XKR4: variants seen among roughly 807,000 people sequenced by gnomAD.
XKR4 encodes the protein XK-related protein 4.
XKR4 carries 12 observed loss-of-function variants against 53.9 expected under a neutral mutation model. The ratio of observed to expected loss-of-function variants is 0.22; its 90% confidence interval spans 0.14 to 0.36. The LOEUF is 0.36. Among genes scored for constraint, XKR4 ranks in the 10% least tolerant of loss-of-function variants. The pLI, the probability that XKR4 is intolerant of heterozygous loss-of-function variation, is 1.00. For missense variants in XKR4, 799 were observed against 859.5 expected, an observed-to-expected ratio of 0.93 and a Z score of 0.88; for synonymous variants, 354 against 362.4, an observed-to-expected ratio of 0.98 and a Z score of 0.26.
chr8:55,411,227 C>A (rs1246675249), intron 2 of XKR4, among the ~76,000 whole-genome samples: 1 of 152,186 alleles, frequency 6.6e-6, no homozygotes, highest in East Asian at 1.9e-4. Flanking sequence ...CCTGCCTGGA[C>A]TCTTGGGCAA....
chr8:55,256,477 G>T (rs1393330608), intron 1 of XKR4, among the ~76,000 whole-genome samples: 1 of 152,214 alleles, frequency 6.6e-6, no homozygotes, highest in African/African-American at 2.4e-5. Context: ...GGGATGGAAA[G>T]GAGATAGTAA....
chr8:55,262,246 A>G (rs554637416), intron 1 of XKR4, among the ~76,000 whole-genome samples: 13 of 152,360 alleles, frequency 8.5e-5, no homozygotes, highest in Non-Finnish European at 1.8e-4. Context: ...TTATTTATAT[A>G]AATTGCCAGA....
intron 2 of XKR4, chr8:55,449,585 T>C: frequency 7.6e-7 from 1 of 1,311,088 alleles, no homozygotes; most frequent in Non-Finnish European, 1.1e-6. Flanking sequence ...ACAAAAGTCG[T>C]AAACGCGAGG....
intron 1 of XKR4, among the ~76,000 whole-genome samples, chr8:55,198,307 C>T (rs1006847359): frequency 3.9e-5 from 6 of 152,210 alleles, no homozygotes; most frequent in South Asian, 2.1e-4. Flanking sequence ...TGTAGTGTGA[C>T]GCCAAATCTA....
At chr8:55,323,652 A>G (rs759097286) in intron 1 of XKR4, among the ~76,000 whole-genome samples, 1 of 152,200 alleles carries the variant, frequency 6.6e-6, no homozygotes, top group African/African-American at 2.4e-5. Context: ...ACCTCTGTAA[A>G]TGTGTATGTG....
intron 2 of XKR4, among the ~76,000 whole-genome samples, chr8:55,484,588 AT>A (rs1806165822): frequency 6.6e-6 from 1 of 152,194 alleles, no homozygotes; most frequent in Non-Finnish European, 1.5e-5. Context: ...ATGATGTTTA[AT>A]TTTATGTGTC....
intron 2 of XKR4, among the ~76,000 whole-genome samples, chr8:55,384,234 A>T (rs1425861427): frequency 1.3e-5 from 2 of 152,196 alleles, no homozygotes; most frequent in African/African-American, 2.4e-5. Context: ...AGTTTGGAAG[A>T]ATGTGTTGGA....
At chr8:55,228,641 G>A (rs1469372469) in intron 1 of XKR4, among the ~76,000 whole-genome samples, 1 of 152,096 alleles carries the variant, frequency 6.6e-6, no homozygotes, top group African/African-American at 2.4e-5. Flanking sequence ...CTTAAAACAT[G>A]TAGCAATTTA....
rs1205417571 is a variant in XKR4, at chr8:55,348,740, TAA to T, written c.807-8935_807-8934del. Among the ~76,000 whole-genome samples the T allele has an allele frequency of 1.3e-4, 19 of 143,432 alleles. No individual in the cohort carries two copies. In the South Asian group the frequency reaches 3.6e-3, roughly 27 times the overall value. 94.1% of individuals were successfully genotyped at this position (143,432 alleles called of 152,430 possible). The stretch of plus-strand genomic sequence containing the variant: ...CACACACAGAGAGAGAGATGATAGA[TAA>T]AAGAGACAGAAAGATACAGAAATAG... On this transcript the variant is annotated intron_variant, in intron 1 of 2. Coordinates refer to ENST00000327381, the MANE Select transcript of XKR4 (RefSeq NM_052898.2).
chr8:55,102,277 C>T lies in XKR4; in HGVS notation c.-212C>T. On this transcript the variant is annotated 5_prime_UTR_variant, in exon 1 of 3. Transcript: ENST00000327381. This position sits in a 1 kb window ranked among gnomAD's most constrained non-coding sequence, Gnocchi z 5.1. ...CGCAGGCAGCCAGGCGGCGCTCCTG[C>T]CGGCCCCAGGCGCGCCGCTAGCCCG... 1.8e-6 allele frequency: 1 copy of T among 541,238 alleles called. No individual in the cohort carries two copies. Among genetic ancestry groups the T allele is most frequent in the Non-Finnish European group, 2.3e-6 (1 of 427,074 alleles). 33.5% of individuals were successfully genotyped at this position (541,238 alleles called of 1,614,324 possible).
At chr8:55,439,083 A>T (rs1476653327) in intron 2 of XKR4, among the ~76,000 whole-genome samples, 1 of 152,220 alleles carries the variant, frequency 6.6e-6, no homozygotes, top group Non-Finnish European at 1.5e-5. Flanking sequence ...GAAGTAAATA[A>T]GATTAAAATG....
intron 1 of XKR4, among the ~76,000 whole-genome samples, chr8:55,230,200 TG>T (rs1818012434): frequency 2.0e-5 from 3 of 152,176 alleles, no homozygotes; most frequent in South Asian, 4.1e-4. Context: ...CTTAAGGCAG[TG>T]GTTTCCCAGA....
At chr8:55,141,331 C>T (rs1051564741) in intron 1 of XKR4, among the ~76,000 whole-genome samples, 1 of 152,144 alleles carries the variant, frequency 6.6e-6, no homozygotes, top group African/African-American at 2.4e-5. Flanking sequence ...TCCCCTGTGT[C>T]CTGTCCCTCC....
intron 2 of XKR4, among the ~76,000 whole-genome samples, chr8:55,389,658 C>T (rs1804416887): frequency 6.6e-6 from 1 of 152,192 alleles, no homozygotes; most frequent in African/African-American, 2.4e-5. Context: ...GTAGCCTCTA[C>T]TCCAGAGTCT....
chr8:55,452,757 C>T, intron 2 of XKR4: 2 of 849,320 alleles, frequency 2.4e-6, no homozygotes, highest in Non-Finnish European at 4.1e-6. Context: ...AAAGCCGCTC[C>T]CCGTGTCATA....
chr8:55,357,599 C>A (rs1803838663), intron 1 of XKR4, 79 bp from the exon 2 acceptor site: 1 of 1,493,174 alleles, frequency 6.7e-7, no homozygotes, highest in Non-Finnish European at 9.2e-7. Context: ...TGGTGGCTTG[C>A]AGAAAAGAAC....
At chr8:55,178,488 A>G (rs905470849) in intron 1 of XKR4, among the ~76,000 whole-genome samples, 1 of 152,210 alleles carries the variant, frequency 6.6e-6, no homozygotes, top group African/African-American at 2.4e-5. Context: ...AGTGTTTTCT[A>G]TAATAACTAT....
chr8:55,477,065 C>G (rs1806001101), intron 2 of XKR4, among the ~76,000 whole-genome samples: 1 of 151,656 alleles, frequency 6.6e-6, no homozygotes, highest in Admixed American at 6.6e-5. Context: ...CAGCACGCAG[C>G]TTGAGATCTG....
At chr8:55,421,889 C>A (rs555996473) in intron 2 of XKR4, among the ~76,000 whole-genome samples, 2 of 152,198 alleles carry the variant, frequency 1.3e-5, no homozygotes, top group African/African-American at 4.8e-5. Context: ...CAGAACAAAA[C>A]GTCCTTGGTT....
Sources: gnomAD v4.1 joint callset for allele counts (sites outside exome capture counted in the v4.1 genomes callset) on GRCh38, gnomAD v4.1.1 for gene constraint, Gnocchi (gnomAD v3.1) non-coding constraint, MANE v1.5 for transcripts, NCBI Gene and HGNC (gene_info 2026-07-23, HGNC 2026-07-21) for gene names.